The following MED12L variants were observed in gnomAD, a reference collection of about 807,000 sequenced individuals.
MED12L encodes mediator complex subunit 12L.
MED12L carries 60 observed loss-of-function variants against 281.3 expected under a neutral mutation model. The observed-to-expected ratio is 0.21, with a 90% CI of 0.17 to 0.26. The LOEUF is 0.26. MED12L is among the 10% of genes least tolerant of loss of function. The probability of loss-of-function intolerance (pLI) is 1.00; values close to 1 mark genes in which losing one functional copy is unlikely to be tolerated. For missense variants in MED12L, 2,146 were observed against 2,680.9 expected (o/e 0.80, Z 4.41); for synonymous variants, 974 against 987.2 (o/e 0.99, Z 0.25).
At chr3:151,220,491 C>T (rs1032285514) in intron 16 of MED12L, among the ~76,000 whole-genome samples, 5 of 152,118 alleles carry the variant, frequency 3.3e-5, no homozygotes, top group Non-Finnish European at 7.4e-5. Context: ...TGTGTCCCCA[C>T]CAAAATCTCA....
rs763867006 is a variant in MED12L, at chr3:151,372,755, A to G, written c.3853A>G (p.Ile1285Val). The G allele has an allele frequency of 2.0e-5, 33 of 1,612,626 alleles. No homozygotes were observed. The Admixed American group carries it at 3.8e-4, about 19-fold the overall frequency. The stretch of plus-strand genomic sequence containing the variant: ...ATACGCTAGATATGTACTGAGGACT[A>G]TCTGTCAACAGGTATTCTAATTTAA... ...REYARYVLRT[I>V]CQQEWVGEHC... Residue 1285 changes from isoleucine (I) to valine (V), a missense_variant, in exon 27 of 45, where the codon ATC becomes GTC. Physicochemically the swap from Ile to Val is conservative, Grantham distance 29. Transcript: ENST00000687756.
chr3:151,187,084 C>T (rs1303678322), intron 12 of MED12L, among the ~76,000 whole-genome samples: 1 of 152,156 alleles, frequency 6.6e-6, no homozygotes, highest in Non-Finnish European at 1.5e-5. Flanking sequence ...AACGAAAGAT[C>T]ATATTGTTGA....
At chr3:151,227,033 C>T in intron 16 of MED12L, among the ~76,000 whole-genome samples, 1 of 152,180 alleles carries the variant, frequency 6.6e-6, no homozygotes, top group Non-Finnish European at 1.5e-5. Context: ...CACCTTCAGC[C>T]AGTTTTCTCT....
At position 151,357,312 on chromosome 3, in the gene MED12L, G is replaced by T. The variant is rs145165548; in HGVS notation, c.2761G>T (p.Val921Phe). 1 of 1,613,874 alleles carries T rather than the reference G, an allele frequency of 6.2e-7. No individual in the cohort carries two copies. The highest frequency in any genetic ancestry group is 1.3e-5 in the African/African-American group (1 of 75,042). ...TTGLCVCIVA[V>F]LRRYHSCLIL... ...AGGACTGTGTGTCTGCATCGTGGCT[G>T]TTCTCAGGCGCTATCACAGTTGTCT... The change falls in exon 20 of 45, where the codon GTT (valine) becomes TTT (phenylalanine). Residue 921 changes from valine (V) to phenylalanine (F), a missense_variant. Coordinates refer to ENST00000687756, the MANE Select transcript of MED12L (RefSeq NM_001393769.1).
intron 12 of MED12L, among the ~76,000 whole-genome samples, chr3:151,186,991 C>T (rs1465026168): frequency 6.6e-6 from 1 of 152,148 alleles, no homozygotes; most frequent in Non-Finnish European, 1.5e-5. Flanking sequence ...ACACCTCCTT[C>T]TTGTGAAGCT....
intron 17 of MED12L, among the ~76,000 whole-genome samples, chr3:151,353,938 G>A (rs866676140): frequency 2.6e-4 from 39 of 151,772 alleles, no homozygotes; most frequent in Middle Eastern, 6.8e-3. Context: ...TCAGGAGATC[G>A]AGACCATCCC....
intron 5 of MED12L, among the ~76,000 whole-genome samples, chr3:151,138,819 G>A (rs919286828): frequency 1.3e-5 from 2 of 152,160 alleles, no homozygotes; most frequent in Non-Finnish European, 2.9e-5. Flanking sequence ...AGGTTTTACA[G>A]TGTAAAGTTA....
chr3:151,354,659 C>A (rs1398342100), intron 17 of MED12L, among the ~76,000 whole-genome samples: 2 of 152,104 alleles, frequency 1.3e-5, no homozygotes, highest in Non-Finnish European at 2.9e-5. Context: ...AATCTGGAAA[C>A]TACTCACTAG....
At chr3:151,181,486 A>G (rs1722687460) in intron 11 of MED12L, among the ~76,000 whole-genome samples, 1 of 151,508 alleles carries the variant, frequency 6.6e-6, no homozygotes, top group Non-Finnish European at 1.5e-5. Flanking sequence ...TCTGGGCTCA[A>G]GTAATCCTCC....
intron 5 of MED12L, among the ~76,000 whole-genome samples, chr3:151,129,449 C>T (rs1715035311): frequency 6.6e-6 from 1 of 152,072 alleles, no homozygotes; most frequent in African/African-American, 2.4e-5. Flanking sequence ...GTGTTGTTTT[C>T]ACGGTGGTCT....
At chr3:151,315,271 T>A (rs1349861508) in intron 16 of MED12L, among the ~76,000 whole-genome samples, 1 of 152,166 alleles carries the variant, frequency 6.6e-6, no homozygotes, top group African/African-American at 2.4e-5. Flanking sequence ...TGCCAAGATA[T>A]TAAGGAAGAA....
At chr3:151,190,663 G>GT (rs1348546014) in intron 13 of MED12L, 54 bp from the exon 14 acceptor site, 32 of 1,528,042 alleles carry the variant, frequency 2.1e-5, no homozygotes, top group Non-Finnish European at 2.7e-5. Context: ...TTAGTAATTA[G>GT]TTTTTTTCTA....
chr3:151,435,592 T>C lies in MED12L; in HGVS notation c.*2788T>C, dbSNP rs956561970. The stretch of plus-strand genomic sequence containing the variant: ...ACTGAGATATCTAAGACCTATGGCA[T>C]TTTTTTCCCATTTATAAAGCTCCTA... On this transcript the variant is annotated 3_prime_UTR_variant, in exon 45 of 45. Transcript: ENST00000687756. 1 of 149,252 alleles carries C rather than the reference T, an allele frequency of 6.7e-6. No individual in the cohort carries two copies. Among genetic ancestry groups the C allele is most frequent in the Non-Finnish European group, 1.5e-5 (1 of 67,526 alleles). The allele number at this position is 149,252 out of a possible 1,614,324, so 9.2% of individuals were successfully genotyped here. A position where few individuals can be genotyped will look rare whatever the true frequency, so the allele number is the denominator to read the frequency against.
At chr3:151,429,631 A>G (rs755047198) in intron 43 of MED12L, among the ~76,000 whole-genome samples, 21 of 152,198 alleles carry the variant, frequency 1.4e-4, no homozygotes, top group South Asian at 2.1e-4. Context: ...TCTTGCATCA[A>G]CTTAATAGAT....
intron 16 of MED12L, among the ~76,000 whole-genome samples, chr3:151,207,417 G>A (rs1480509846): frequency 1.3e-5 from 2 of 151,986 alleles, no homozygotes; most frequent in Non-Finnish European, 2.9e-5. Flanking sequence ...GACTGTGGTG[G>A]GGTGAATAGG....
chr3:151,119,550 C>A (rs1470417463), intron 3 of MED12L, among the ~76,000 whole-genome samples: 1 of 152,118 alleles, frequency 6.6e-6, no homozygotes, highest in Admixed American at 6.5e-5. Flanking sequence ...TTAATTACCT[C>A]CTTAAGGCCC....
At chr3:151,146,180 G>A (rs375421150) in intron 5 of MED12L, among the ~76,000 whole-genome samples, 5 of 152,156 alleles carry the variant, frequency 3.3e-5, no homozygotes, top group Non-Finnish European at 5.9e-5. Flanking sequence ...AAACGTGTGC[G>A]TTGAACCAGC....
chr3:151,163,877 T>C lies in MED12L; in HGVS notation c.1108-16T>C. The C allele has an allele frequency of 1.9e-6, 3 of 1,607,488 alleles. No individual in the cohort carries two copies. Among genetic ancestry groups the C allele is most frequent in the Non-Finnish European group, 2.6e-6 (3 of 1,175,352 alleles). ...TCCTTCCTCTGAACATCCAACTTTATCTGTTTCATTTCCAGACTGTCACTC... is the reference window on the plus strand; with the variant it reads ...TCCTTCCTCTGAACATCCAACTTTACCTGTTTCATTTCCAGACTGTCACTC... On this transcript the variant is annotated splice_polypyrimidine_tract_variant and intron_variant, in intron 8 of 44. Coordinates refer to ENST00000687756, the MANE Select transcript of MED12L (RefSeq NM_001393769.1).
chr3:151,308,056 G>A (rs542177261), intron 16 of MED12L, among the ~76,000 whole-genome samples: 1 of 152,222 alleles, frequency 6.6e-6, no homozygotes, highest in Non-Finnish European at 1.5e-5. Flanking sequence ...TGTGAATGTG[G>A]TAAGAAAACA....
Sources: gnomAD v4.1 joint callset for allele counts (sites outside exome capture counted in the v4.1 genomes callset) on GRCh38, gnomAD v4.1.1 for gene constraint, MANE v1.5 for transcripts, NCBI Gene and HGNC (gene_info 2026-07-23, HGNC 2026-07-21) for gene names.